Variants in NKAIN3 observed in about 807,000 individuals in gnomAD.
NKAIN3 encodes the protein sodium/potassium-transporting ATPase subunit beta-1-interacting protein 3.
NKAIN3 carries 25 observed loss-of-function variants against 30.2 expected under a neutral mutation model. The observed-to-expected ratio is 0.83, with a 90% CI of 0.60 to 1.16. NKAIN3 has a LOEUF of 1.16. Ranked by LOEUF, NKAIN3 falls within the 50% of genes most tolerant of loss-of-function variation. The pLI, the probability that NKAIN3 is intolerant of heterozygous loss-of-function variation, is 0.00. For synonymous variants in NKAIN3, 91 were observed against 89.6 expected, an observed-to-expected ratio of 1.02 and a Z score of -0.09; for missense variants, 225 against 254.1, an observed-to-expected ratio of 0.89 and a Z score of 0.78.
intron 1 of NKAIN3, among the ~76,000 whole-genome samples, chr8:62,339,548 A>G (rs1815673207): frequency 6.6e-6 from 1 of 152,050 alleles, no homozygotes; most frequent in African/African-American, 2.4e-5. Context: ...ACATAGAAAT[A>G]TGGAGACACC....
intron 4 of NKAIN3, among the ~76,000 whole-genome samples, chr8:62,798,388 G>A (rs1242073446): frequency 2.0e-5 from 3 of 152,002 alleles, no homozygotes; most frequent in East Asian, 1.9e-4. Flanking sequence ...TGGCTAACAC[G>A]GTGAAACCCC....
chr8:62,381,499 TA>T (rs1308058950), intron 1 of NKAIN3, among the ~76,000 whole-genome samples: 4 of 151,830 alleles, frequency 2.6e-5, no homozygotes, highest in Non-Finnish European at 4.4e-5. Flanking sequence ...CTGATATACA[TA>T]TATATATACA....
intron 4 of NKAIN3, among the ~76,000 whole-genome samples, chr8:62,917,923 C>T (rs1172475690): frequency 2.6e-5 from 4 of 152,144 alleles, no homozygotes; most frequent in South Asian, 2.1e-4. Context: ...TACTGAATCA[C>T]CAGCAAGTTA....
chr8:62,861,948 C>G (rs1272940726), intron 4 of NKAIN3, among the ~76,000 whole-genome samples: 1 of 152,218 alleles, frequency 6.6e-6, no homozygotes, highest in East Asian at 1.9e-4. Flanking sequence ...AAACACATAA[C>G]TAGCCAGAAT....
chr8:62,648,164 G>A lies in NKAIN3; in HGVS notation c.273+58370G>A, dbSNP rs886702258. Among the ~76,000 whole-genome samples, 10 of 152,144 alleles carry A rather than the reference G, an allele frequency of 6.6e-5. 1 individual carries two copies. The highest frequency in any genetic ancestry group is 5.9e-4 in the Admixed American group (9 of 15,272). ...GATACGTTTTGGGCAAAATGGGTTG[G>A]CAATACTTGTGAGCCGTCCAAGTAC... On this transcript the variant is annotated intron_variant, in intron 3 of 6. Coordinates refer to ENST00000623646, the MANE Select transcript of NKAIN3 (RefSeq NM_001304533.3).
intron 1 of NKAIN3, among the ~76,000 whole-genome samples, chr8:62,577,034 G>A (rs1240966954): frequency 6.6e-6 from 1 of 152,028 alleles, no homozygotes; most frequent in East Asian, 1.9e-4. Flanking sequence ...ATACAATGGT[G>A]CTTTGTTTAT....
chr8:62,629,294 T>A (rs1291970241), intron 3 of NKAIN3, among the ~76,000 whole-genome samples: 1 of 152,138 alleles, frequency 6.6e-6, no homozygotes, highest in Non-Finnish European at 1.5e-5. Flanking sequence ...TTATCTAATA[T>A]ACACCATAAC....
At chr8:62,409,050 T>C (rs1804160342) in intron 1 of NKAIN3, among the ~76,000 whole-genome samples, 4 of 152,220 alleles carry the variant, frequency 2.6e-5, no homozygotes, top group African/African-American at 9.6e-5. Context: ...TGCAATATAT[T>C]TGATCACTGG....
chr8:62,985,018 C>A (rs1428056007), downstream of NKAIN3: 2 of 152,096 alleles, frequency 1.3e-5, no homozygotes, highest in East Asian at 1.9e-4. Flanking sequence ...GGAGGATTAC[C>A]CCCCTATTTC....
intron 4 of NKAIN3, among the ~76,000 whole-genome samples, chr8:62,829,754 A>AGAT (rs565409414): frequency 5.7e-4 from 87 of 152,106 alleles, no homozygotes; most frequent in African/African-American, 1.9e-3. Flanking sequence ...ATAGATAGAT[A>AGAT]GATAGATAGA....
At chr8:62,594,797 C>T (rs1810771934) in intron 3 of NKAIN3, among the ~76,000 whole-genome samples, 1 of 151,432 alleles carries the variant, frequency 6.6e-6, no homozygotes. Context: ...TCCTTCCTTC[C>T]TCCCTTCCTT....
chr8:62,256,633 G>C (rs962775559), intron 1 of NKAIN3, among the ~76,000 whole-genome samples: 6 of 152,102 alleles, frequency 3.9e-5, no homozygotes, highest in Admixed American at 2.6e-4. Flanking sequence ...GTGTATCTGC[G>C]GTAGGCTGTC....
At chr8:62,388,525 G>A in intron 1 of NKAIN3, among the ~76,000 whole-genome samples, 1 of 152,262 alleles carries the variant, frequency 6.6e-6, no homozygotes, top group East Asian at 1.9e-4. Flanking sequence ...AGCATATGTG[G>A]ATTAACTAAA....
intron 1 of NKAIN3, among the ~76,000 whole-genome samples, chr8:62,363,152 C>T (rs910990794): frequency 6.6e-6 from 1 of 152,166 alleles, no homozygotes; most frequent in Non-Finnish European, 1.5e-5. Flanking sequence ...CTAAGAGAAA[C>T]AGTTATAATT....
chr8:62,260,651 C>G (rs904457266), intron 1 of NKAIN3, among the ~76,000 whole-genome samples: 32 of 152,030 alleles, frequency 2.1e-4, no homozygotes, highest in African/African-American at 7.2e-4. Context: ...GGTGAACGGC[C>G]GATGCAGGCA....
Position 62,918,511 on chromosome 8 carries a change from C to A in NKAIN3, c.530C>A (p.Thr177Lys). ...VISISMEEED[T>K]FDFIGGLDTH... ...AGTATTTCCATGGAAGAAGAAGACA[C>A]ATGTAAGTACTGTTTTCTCTCTCCC... The change falls in exon 5 of 7, where the codon ACA becomes AAA. Residue 177 changes from threonine (T) to lysine (K), a missense_variant and splice_region_variant. Physicochemically the swap from Thr to Lys is moderately conservative, Grantham distance 78. Transcript: ENST00000623646. The A allele has an allele frequency of 6.2e-7, 1 of 1,606,944 alleles. No individual in the cohort carries two copies. The highest frequency in any genetic ancestry group is 8.5e-7 in the Non-Finnish European group (1 of 1,173,740).
At chr8:62,623,153 T>C (rs995261536) in intron 3 of NKAIN3, among the ~76,000 whole-genome samples, 1 of 152,058 alleles carries the variant, frequency 6.6e-6, no homozygotes, top group Non-Finnish European at 1.5e-5. Context: ...CAAACTCTCC[T>C]GGCTGCCTAT....
chr8:62,857,467 CTCTT>C lies in NKAIN3; in HGVS notation c.472-60983_472-60980del, dbSNP rs1423808337. Reference sequence around the variant, plus strand: ...TCCAAATTGGTTCCATTCTCCCTGTCTCTTTCACGTACCCCAATCAGTCATAGAT... The same window carrying C: ...TCCAAATTGGTTCCATTCTCCCTGTCTCACGTACCCCAATCAGTCATAGAT... On this transcript the variant is annotated intron_variant, in intron 4 of 6. Coordinates refer to ENST00000623646, the MANE Select transcript of NKAIN3 (RefSeq NM_001304533.3). Among the ~76,000 whole-genome samples the C allele has an allele frequency of 5.3e-5, 8 of 152,302 alleles. No homozygotes were observed. The South Asian group carries it at 6.2e-4, about 12-fold the overall frequency.
At chr8:62,525,166 C>A (rs1328290552) in intron 1 of NKAIN3, among the ~76,000 whole-genome samples, 1 of 152,134 alleles carries the variant, frequency 6.6e-6, no homozygotes, top group Non-Finnish European at 1.5e-5. Context: ...TACCAAGAAT[C>A]CTGCCACAGA....
Sources: allele counts gnomAD v4.1 joint callset (sites outside exome capture counted in the v4.1 genomes callset), GRCh38; gene constraint gnomAD v4.1.1; transcripts MANE v1.5; gene names NCBI Gene and HGNC (gene_info 2026-07-23, HGNC 2026-07-21).